Variants in MARCO observed in about 807,000 individuals in gnomAD.
MARCO encodes macrophage receptor MARCO.
Under a neutral mutation model 70.0 loss-of-function variants are expected in MARCO, and 72 were observed. That is an observed-to-expected ratio of 1.03 (90% CI 0.85 to 1.25). The LOEUF (loss-of-function observed/expected upper bound fraction) is 1.25. Ranked by LOEUF, MARCO falls within the 50% of genes most tolerant of loss-of-function variation. The pLI is 0.00. For missense variants in MARCO, 696 were observed against 659.3 expected, an observed-to-expected ratio of 1.06 and a Z score of -0.61; for synonymous variants, 273 against 243.1, an observed-to-expected ratio of 1.12 and a Z score of -1.14.
intron 12 of MARCO, among the ~76,000 whole-genome samples, chr2:118,988,365 A>T (rs1485033867): frequency 2.0e-5 from 3 of 151,956 alleles, no homozygotes; most frequent in African/African-American, 7.2e-5. Flanking sequence ...GGTCACAATA[A>T]AGGGTGGTCA....
At chr2:118,961,036 A>G (rs1679936410) in intron 1 of MARCO, among the ~76,000 whole-genome samples, 2 of 152,162 alleles carry the variant, frequency 1.3e-5, no homozygotes, top group Non-Finnish European at 2.9e-5. Context: ...AATGGCTTCC[A>G]GCTCCATCCA....
At chr2:118,962,961 GAT>G (rs1679977471) in intron 1 of MARCO, among the ~76,000 whole-genome samples, 1 of 151,882 alleles carries the variant, frequency 6.6e-6, no homozygotes, top group Admixed American at 6.6e-5. Context: ...TTTCATTTCT[GAT>G]ATTGGCTATC....
At chr2:118,993,491 A>G (rs1680663530) in intron 16 of MARCO, among the ~76,000 whole-genome samples, 191 bp downstream of exon 16, 1 of 152,196 alleles carries the variant, frequency 6.6e-6, no homozygotes, top group African/African-American at 2.4e-5. Context: ...CAGCAGAAAG[A>G]TGGCCTGTCT....
Position 118,982,193 on chromosome 2 carries a change from T to A in MARCO, c.939T>A (p.Gly313=). The A allele has an allele frequency of 6.2e-7, 1 of 1,613,222 alleles. No individual in the cohort carries two copies. The highest frequency in any genetic ancestry group is 8.5e-7 in the Non-Finnish European group (1 of 1,179,412). Residue 313 remains glycine, a synonymous_variant, in exon 11 of 17, where the codon GGT becomes GGA. Transcript: ENST00000327097. ...TGCAGGGTGTTCCGGGCCCTCCTGG[T>A]GCAGTGGGACACCCAGGTGCCAAGG... ...PGLQGVPGPP[G]AVGHPGAKGE...
intron 13 of MARCO, among the ~76,000 whole-genome samples, chr2:118,991,233 ATATTCTATTATGTTT>A (rs1289090803): frequency 1.3e-5 from 2 of 148,798 alleles, no homozygotes; most frequent in African/African-American, 2.5e-5. Flanking sequence ...CATAAGCTAG[ATATTCTATTATGTTT>A]TATGGTTTTT....
At chr2:118,985,658 C>A (rs1680471253) in intron 12 of MARCO, among the ~76,000 whole-genome samples, 1 of 152,122 alleles carries the variant, frequency 6.6e-6, no homozygotes, top group Admixed American at 6.5e-5. Flanking sequence ...GAAGAATAAT[C>A]CAATTTTAGC....
chr2:118,969,780 A>T (rs1680126438), intron 2 of MARCO, among the ~76,000 whole-genome samples: 1 of 152,190 alleles, frequency 6.6e-6, no homozygotes, highest in Admixed American at 6.5e-5. Context: ...GCACATATTT[A>T]GGTCAGACCA....
At position 118,994,498 on chromosome 2, in the gene MARCO, C is replaced by T. The variant is rs2104618708; in HGVS notation, c.1541C>T (p.Ala514Val). 1.9e-6 allele frequency: 3 copies of T among 1,608,860 alleles called. No homozygotes were observed. In the East Asian group the frequency reaches 6.7e-5, roughly 36 times the overall value. The stretch of plus-strand genomic sequence containing the variant: ...CATGACTGCAGCCACGAGGAGGACG[C>T]AGGCGTGGAGTGCAGCGTCTGACCC... ...GHHDCSHEED[A>V]GVECSV The change falls in exon 17 of 17, where the codon GCA becomes GTA. Residue 514 changes from alanine to valine, a missense_variant. Ala to Val is a moderately conservative substitution (Grantham distance 64). Around this residue, in one of 3 missense-constraint regions of MARCO, gnomAD observed 58 missense variants for 62.1 expected, o/e 0.93. Transcript: ENST00000327097.
intron 8 of MARCO, among the ~76,000 whole-genome samples, chr2:118,978,632 T>A (rs1680332704): frequency 6.6e-6 from 1 of 152,232 alleles, no homozygotes; most frequent in Non-Finnish European, 1.5e-5. Flanking sequence ...TGCTCCCCTG[T>A]GTGACTAACG....
At chr2:118,984,180 A>G (rs1312608576) in intron 12 of MARCO, among the ~76,000 whole-genome samples, 2 of 152,310 alleles carry the variant, frequency 1.3e-5, no homozygotes, top group African/African-American at 4.8e-5. Flanking sequence ...GGGTGTGCTG[A>G]TGAGTGACAC....
chr2:118,955,636 C>G (rs2104556855), intron 1 of MARCO, among the ~76,000 whole-genome samples: 1 of 152,252 alleles, frequency 6.6e-6, no homozygotes, highest in African/African-American at 2.4e-5. Context: ...AGATCTTCCC[C>G]TAGACACATT....
intron 1 of MARCO, among the ~76,000 whole-genome samples, chr2:118,957,483 T>C (rs1246118486): frequency 6.6e-6 from 1 of 152,006 alleles, no homozygotes; most frequent in Non-Finnish European, 1.5e-5. Flanking sequence ...GCAGCGAGAT[T>C]GTTTGGTAAT....
Position 118,986,697 on chromosome 2 carries a change from GAAA to G in MARCO, c.1064-3891_1064-3889del, listed in dbSNP as rs1558671912. 1.5e-3 allele frequency among the ~76,000 whole-genome samples: 112 copies of G among 73,854 alleles called. 14 individuals are homozygous for G. The highest frequency in any genetic ancestry group is 5.5e-3 in the African/African-American group (97 of 17,702). The allele number at this position is 73,854 out of a possible 152,430, so 48.5% of individuals were successfully genotyped here. On this transcript the variant is annotated intron_variant, in intron 12 of 16. Transcript: ENST00000327097. ...GGAAAGAAAGAAAGAAAGAAAGAAA[GAAA>G]GAAAGAAAGAAAGAAAGAAAGAAAA...
chr2:118,953,635 A>G (rs553324552), intron 1 of MARCO, among the ~76,000 whole-genome samples: 1 of 152,318 alleles, frequency 6.6e-6, no homozygotes, highest in South Asian at 2.1e-4. Context: ...TTTTAGCTCC[A>G]TATCAACTGC....
At chr2:118,954,399 G>A (rs35181670) in intron 1 of MARCO, among the ~76,000 whole-genome samples, 27,775 of 152,026 alleles carry the variant, frequency 0.18, 3,337 homozygotes, top group African/African-American at 0.33. Context: ...TATCCCCCAC[G>A]GCAGCTGCAG....
intron 10 of MARCO, 69 bp from the exon 11 acceptor site, chr2:118,982,087 C>T (rs1452162701): frequency 6.4e-6 from 7 of 1,085,380 alleles, no homozygotes; most frequent in African/African-American, 1.6e-5. Context: ...AAAACAGAAG[C>T]ACTGGGGGTT....
At chr2:118,974,906 T>C (rs1680251658) in intron 6 of MARCO, among the ~76,000 whole-genome samples, 1 of 152,184 alleles carries the variant, frequency 6.6e-6, no homozygotes, top group Non-Finnish European at 1.5e-5. Context: ...ACAAGGACTC[T>C]GGTGTCAGGC....
intron 12 of MARCO, among the ~76,000 whole-genome samples, chr2:118,986,698 AAAGAAAG>A (rs1680516112): frequency 8.9e-6 from 1 of 112,054 alleles, no homozygotes; most frequent in Non-Finnish European, 1.8e-5. Flanking sequence ...AGAAAGAAAG[AAAGAAAG>A]AAAGAAAGAA....
In MARCO at chr2:118,971,528, G is replaced by A. The variant is rs535379325; in HGVS notation, c.454G>A (p.Ala152Thr). 60 of 1,613,774 alleles carry A rather than the reference G, an allele frequency of 3.7e-5. No individual in the cohort carries two copies. The highest frequency in any genetic ancestry group is 1.2e-4 in the African/African-American group (9 of 75,038). Residue 152 changes from alanine to threonine, a missense_variant, in exon 4 of 17, where the codon GCC becomes ACC. By Grantham distance (58) the Ala-to-Thr change is moderately conservative. Transcript: ENST00000327097. ...GMFRIKGEQG[A>T]PGLQGHKGAM... Reference sequence around the variant, plus strand: ...GTTCAGAATCAAAGGTGAACAAGGCGCCCCAGGTAGGTTCATTTCCACTCA... The same window carrying A: ...GTTCAGAATCAAAGGTGAACAAGGCACCCCAGGTAGGTTCATTTCCACTCA...
Sources: allele counts gnomAD v4.1 joint callset (sites outside exome capture counted in the v4.1 genomes callset), GRCh38; gene constraint gnomAD v4.1.1; regional missense constraint gnomAD v4.1.1; transcripts MANE v1.5; gene names NCBI Gene and HGNC (gene_info 2026-07-23, HGNC 2026-07-21).